Variants in METTL8 observed in about 807,000 individuals in gnomAD.
METTL8 encodes tRNA N(3)-cytidine methyltransferase METTL8, mitochondrial.
In METTL8, 32 loss-of-function variants were observed where a neutral mutation model predicts 48.7. The observed-to-expected ratio is 0.66, with a 90% CI of 0.50 to 0.88. The LOEUF (loss-of-function observed/expected upper bound fraction) is 0.88. Among genes scored for constraint, METTL8 ranks in the 40% least tolerant of loss-of-function variants. METTL8 has a pLI of 0.00. For synonymous variants in METTL8, 136 were observed against 157.1 expected (o/e 0.87, Z 1.01); for missense variants, 464 against 474.4 (o/e 0.98, Z 0.20).
At chr2:171,414,200 C>A (rs1574200721) in intron 1 of METTL8, among the ~76,000 whole-genome samples, 1 of 152,242 alleles carries the variant, frequency 6.6e-6, no homozygotes, top group African/African-American at 2.4e-5. Flanking sequence ...GGCGGATCAC[C>A]TGAGGCTGGG....
chr2:171,418,818 A>G (rs752814067), intron 1 of METTL8, among the ~76,000 whole-genome samples: 6 of 152,048 alleles, frequency 3.9e-5, no homozygotes, highest in Non-Finnish European at 8.8e-5. Flanking sequence ...AGCCAGGCAT[A>G]GTAGCATGTG....
intron 2 of METTL8, among the ~76,000 whole-genome samples, chr2:171,376,858 A>G (rs1221976257): frequency 6.6e-6 from 1 of 152,210 alleles, no homozygotes; most frequent in Non-Finnish European, 1.5e-5. Flanking sequence ...TAACATTTAT[A>G]TAGAACCAAA....
intron 3 of METTL8, among the ~76,000 whole-genome samples, chr2:171,343,155 A>T (rs553487299): frequency 6.6e-6 from 1 of 152,306 alleles, no homozygotes; most frequent in Non-Finnish European, 1.5e-5. Context: ...ATAAAAGATA[A>T]TAAGCGGGGC....
At chr2:171,358,995 A>C (rs1025254942) in intron 3 of METTL8, among the ~76,000 whole-genome samples, 2 of 152,020 alleles carry the variant, frequency 1.3e-5, no homozygotes, top group Non-Finnish European at 1.5e-5. Context: ...AAATCAGATT[A>C]AAAAATGGGC....
At chr2:171,415,995 G>C (rs1338386034) in intron 1 of METTL8, among the ~76,000 whole-genome samples, 1 of 152,156 alleles carries the variant, frequency 6.6e-6, no homozygotes, top group African/African-American at 2.4e-5. Flanking sequence ...GGAGAATGTG[G>C]GAAACCAACA....
intron 1 of METTL8, among the ~76,000 whole-genome samples, chr2:171,426,794 C>A (rs908547236): frequency 6.6e-6 from 1 of 152,194 alleles, no homozygotes; most frequent in East Asian, 1.9e-4. Flanking sequence ...TGGACTACTA[C>A]AATCACCTGC....
chr2:171,382,610 G>A (rs1318394756), intron 2 of METTL8, among the ~76,000 whole-genome samples: 16 of 151,950 alleles, frequency 1.1e-4, no homozygotes, highest in Admixed American at 5.9e-4. Context: ...TGCATGCAAC[G>A]CCTAAAACCT....
intron 2 of METTL8, among the ~76,000 whole-genome samples, chr2:171,382,870 C>T (rs962464587): frequency 3.3e-5 from 5 of 151,890 alleles, no homozygotes; most frequent in Non-Finnish European, 7.4e-5. Context: ...GTCAGCAGTT[C>T]AAGACCATCC....
chr2:171,420,797 T>A (rs1691792576), intron 1 of METTL8, among the ~76,000 whole-genome samples: 1 of 152,198 alleles, frequency 6.6e-6, no homozygotes, highest in African/African-American at 2.4e-5. Flanking sequence ...AATCATATAA[T>A]GACCTCAGCA....
chr2:171,376,044 G>A (rs543087991), intron 2 of METTL8, among the ~76,000 whole-genome samples: 1 of 152,204 alleles, frequency 6.6e-6, no homozygotes, highest in East Asian at 1.9e-4. Flanking sequence ...CTTTATGAGG[G>A]TCTGGGTCTT....
At chr2:171,362,041 C>T (rs1385885413) in intron 2 of METTL8, among the ~76,000 whole-genome samples, 1 of 152,132 alleles carries the variant, frequency 6.6e-6, no homozygotes, top group Non-Finnish European at 1.5e-5. Flanking sequence ...ACAGTGCATA[C>T]AGGGAACAGT....
chr2:171,326,748 T>C (rs769570934), intron 7 of METTL8, among the ~76,000 whole-genome samples: 17 of 152,222 alleles, frequency 1.1e-4, no homozygotes, highest in Non-Finnish European at 2.2e-4. Context: ...CTGTCTTTTT[T>C]GTTTCCCATT....
chr2:171,333,342 C>T (rs542985338), intron 5 of METTL8, among the ~76,000 whole-genome samples: 42 of 152,168 alleles, frequency 2.8e-4, no homozygotes, highest in Non-Finnish European at 4.3e-4. Flanking sequence ...AGGTGATCCA[C>T]CCACCTTGGA....
chr2:171,333,128 C>T (rs763606060), intron 5 of METTL8, among the ~76,000 whole-genome samples: 68 of 143,406 alleles, frequency 4.7e-4, no homozygotes, highest in Admixed American at 3.8e-3. Flanking sequence ...CCCAGAGTTT[C>T]GCTCTTGTTG....
chr2:171,419,726 C>G (rs552487122), intron 1 of METTL8, among the ~76,000 whole-genome samples: 12 of 152,148 alleles, frequency 7.9e-5, no homozygotes, highest in African/African-American at 2.9e-4. Context: ...GCATTCCATC[C>G]TGGAATCCCC....
intron 1 of METTL8, among the ~76,000 whole-genome samples, chr2:171,399,372 G>A (rs941221117): frequency 2.0e-5 from 3 of 152,152 alleles, no homozygotes; most frequent in Non-Finnish European, 4.4e-5. Context: ...CTAGGTGTAG[G>A]TAGGTATGTG....
chr2:171,331,482 T>A (rs2105398874), intron 6 of METTL8, among the ~76,000 whole-genome samples: 1 of 151,164 alleles, frequency 6.6e-6, no homozygotes, highest in South Asian at 2.1e-4. Flanking sequence ...TGTGGCACGA[T>A]CTTGGCACAC....
upstream of METTL8, chr2:171,434,564 C>T (rs1457184454): frequency 1.8e-5 from 28 of 1,525,254 alleles, no homozygotes; most frequent in East Asian, 4.2e-4. Flanking sequence ...ACCCAGGGCC[C>T]GGCCCGCGCC....
At chr2:171,356,950 A>ATTTTTTTTTTTTTTTTT (rs1202277226) in intron 3 of METTL8, among the ~76,000 whole-genome samples, 6 of 4,762 alleles carry the variant, frequency 1.3e-3, no homozygotes, top group African/African-American at 1.2e-3. Context: ...TTCAAAGACA[A>ATTTTTTTTTTTTTTTTT]TATTTTTTTT....
Sources: allele counts gnomAD v4.1 joint callset (sites outside exome capture counted in the v4.1 genomes callset), GRCh38; gene constraint gnomAD v4.1.1; transcripts MANE v1.5; gene names NCBI Gene and HGNC (gene_info 2026-07-23, HGNC 2026-07-21).